The following SLC25A12 variants were observed in gnomAD, a reference collection of about 807,000 sequenced individuals.
The protein encoded by SLC25A12 is electrogenic aspartate/glutamate antiporter SLC25A12, mitochondrial.
Under a neutral mutation model 83.3 loss-of-function variants are expected in SLC25A12, and 32 were observed. The observed-to-expected ratio is 0.38, with a 90% confidence interval of 0.29 to 0.52. The LOEUF (loss-of-function observed/expected upper bound fraction) is 0.52. Among genes scored for constraint, SLC25A12 ranks in the 20% least tolerant of loss-of-function variants. SLC25A12 has a pLI of 0.84. For synonymous variants in SLC25A12, 267 were observed against 291.1 expected (o/e 0.92, Z 0.84); for missense variants, 611 against 835.6 (o/e 0.73, Z 3.31).
rs1683540050 is a variant in SLC25A12, at chr2:171,793,838, C to T, written c.1306-71G>A. On this transcript the variant is annotated intron_variant, in intron 13 of 17. Transcript: ENST00000422440. ...GACTGGCAGCGTAAAAAAGGAAAAT[C>T]CAGCAAAGCCTCCACATCTTGCTAT... is the stretch of plus-strand genomic sequence containing the variant. 6.5e-6 allele frequency: 10 copies of T among 1,532,942 alleles called. No homozygotes were observed. The Admixed American group carries it at 1.5e-4, about 23-fold the overall frequency. 95.0% of individuals were successfully genotyped at this position (1,532,942 alleles called of 1,614,324 possible). A position where few individuals can be genotyped will look rare whatever the true frequency, so the allele number is the denominator to read the frequency against.
intron 4 of SLC25A12, among the ~76,000 whole-genome samples, chr2:171,849,202 T>C (rs1353412438): frequency 1.3e-5 from 2 of 151,330 alleles, no homozygotes; most frequent in African/African-American, 4.9e-5. Context: ...AATTAATAAA[T>C]AAATACATAC....
intron 2 of SLC25A12, among the ~76,000 whole-genome samples, chr2:171,874,017 G>A (rs563687553): frequency 5.3e-5 from 8 of 152,082 alleles, no homozygotes; most frequent in South Asian, 2.1e-4. Flanking sequence ...CCTGAGGTCC[G>A]GGAGTTCGAG....
In SLC25A12 at chr2:171,834,819, T is replaced by C. The variant is rs886055124; in HGVS notation, c.659A>G (p.Asn220Ser). 28 of 1,613,850 alleles carry C rather than the reference T, an allele frequency of 1.7e-5. No homozygotes were observed. In the East Asian group the frequency reaches 5.3e-4, roughly 31 times the overall value. ...ISHQVSFSYF[N>S]AFNSLLNNME... is the part of the protein sequence containing the mutation. ...GTTATTCAGTAACGAGTTAAATGCATTGAAGTAGGAGAAGCTAACCTGGTG... is the reference window on the plus strand; with the variant it reads ...GTTATTCAGTAACGAGTTAAATGCACTGAAGTAGGAGAAGCTAACCTGGTG... The change falls in exon 7 of 18, where the codon AAT becomes AGT. Residue 220 changes from asparagine (N) to serine (S), a missense_variant. Physicochemically the swap from Asn to Ser is conservative, Grantham distance 46 (BLOSUM62 1). Transcript: ENST00000422440.
intron 8 of SLC25A12, among the ~76,000 whole-genome samples, chr2:171,827,233 G>C (rs1684321154): frequency 6.6e-6 from 1 of 152,020 alleles, no homozygotes; most frequent in Non-Finnish European, 1.5e-5. Flanking sequence ...CAAAGTATCT[G>C]GGAAGGATAC....
intron 2 of SLC25A12, among the ~76,000 whole-genome samples, chr2:171,887,780 G>C (rs931511656): frequency 3.3e-5 from 5 of 152,180 alleles, no homozygotes; most frequent in Non-Finnish European, 7.3e-5. Context: ...TAAAATTACA[G>C]CACAGCCTAA....
At chr2:171,860,783 T>A (rs959905651) in intron 3 of SLC25A12, among the ~76,000 whole-genome samples, 5 of 151,926 alleles carry the variant, frequency 3.3e-5, no homozygotes, top group African/African-American at 1.2e-4. Context: ...AATAGTCAGA[T>A]GTTAATAGTA....
At chr2:171,869,639 T>C (rs1685415575) in intron 2 of SLC25A12, among the ~76,000 whole-genome samples, 1 of 152,182 alleles carries the variant, frequency 6.6e-6, no homozygotes, top group African/African-American at 2.4e-5. Context: ...TAATAATACC[T>C]GTATCAAAGA....
intron 2 of SLC25A12, among the ~76,000 whole-genome samples, chr2:171,874,660 G>C (rs573498864): frequency 6.6e-6 from 1 of 152,068 alleles, no homozygotes; most frequent in African/African-American, 2.4e-5. Flanking sequence ...CAATACAAGC[G>C]TTCTGTATGG....
At chr2:171,840,308 C>G (rs114832749) in intron 5 of SLC25A12, among the ~76,000 whole-genome samples, 5 of 151,826 alleles carry the variant, frequency 3.3e-5, no homozygotes, top group Admixed American at 3.3e-4. Flanking sequence ...TCCCTGGAAC[C>G]TGGGGAAGTC....
In SLC25A12 at chr2:171,871,656, C is replaced by G. The variant is rs917877884; in HGVS notation, c.67-2833G>C. ...CTTTGTAATAGCGACTTCCTAGTTT[C>G]CCTGTCCCAAGTTAGTTCCTCTCTC... On this transcript the variant is annotated intron_variant, in intron 2 of 17. Coordinates refer to ENST00000422440, the MANE Select transcript of SLC25A12 (RefSeq NM_003705.5). 3 of 917,854 alleles carry G rather than the reference C, an allele frequency of 3.3e-6. No individual in the cohort carries two copies. In the African/African-American group the frequency reaches 5.4e-5, roughly 16 times the overall value. 56.9% of individuals were successfully genotyped at this position (917,854 alleles called of 1,614,324 possible).
chr2:171,858,264 A>C (rs1387189516), intron 3 of SLC25A12, among the ~76,000 whole-genome samples: 1 of 152,202 alleles, frequency 6.6e-6, no homozygotes, highest in Admixed American at 6.5e-5. Context: ...TATATATTTC[A>C]AAATGTGTTA....
At chr2:171,833,687 G>A (rs537240297) in intron 8 of SLC25A12, among the ~76,000 whole-genome samples, 17 of 151,300 alleles carry the variant, frequency 1.1e-4, no homozygotes, top group South Asian at 4.2e-4. Context: ...CCTCACTCCC[G>A]CCTTCTCTTC....
chr2:171,865,789 A>C (rs899565166), intron 3 of SLC25A12, among the ~76,000 whole-genome samples: 2 of 152,100 alleles, frequency 1.3e-5, no homozygotes, highest in Non-Finnish European at 2.9e-5. Flanking sequence ...TATAAAGTGG[A>C]ATACTTGCCT....
At chr2:171,847,404 G>C (rs1473236846) in intron 4 of SLC25A12, among the ~76,000 whole-genome samples, 1 of 152,194 alleles carries the variant, frequency 6.6e-6, no homozygotes, top group Non-Finnish European at 1.5e-5. Flanking sequence ...GCTTATGCTT[G>C]TATGAGGTAA....
intron 2 of SLC25A12, among the ~76,000 whole-genome samples, chr2:171,874,341 G>T (rs1450837727): frequency 6.6e-6 from 1 of 152,146 alleles, no homozygotes. Context: ...GCAGTGAGCC[G>T]AGATTGCACC....
At position 171,787,803 on chromosome 2, in the gene SLC25A12, CA is replaced by C; in HGVS notation, c.1729del (p.Trp577GlyfsTer115). 6.2e-7 allele frequency: 1 copy of C among 1,614,212 alleles called. No homozygotes were observed. Among genetic ancestry groups the C allele is most frequent in the Non-Finnish European group, 8.5e-7 (1 of 1,180,038 alleles). ...CCCCTGCCTACCTGCAGTCCCTTTC[CA>C]AAATGCTGAGGGCCCTTCTTCCCGG... Reference protein sequence around the residue: ...ILREEGPSAFWKGTAARVFRS... With the variant: ...ILREEGPSAFXKGTAARVFRS... On this transcript the variant is annotated frameshift_variant, in exon 16 of 18. Transcript: ENST00000422440. LOFTEE classifies it high-confidence loss of function.
intron 3 of SLC25A12, among the ~76,000 whole-genome samples, chr2:171,861,813 A>G (rs1019953468): frequency 6.6e-6 from 1 of 152,208 alleles, no homozygotes; most frequent in South Asian, 2.1e-4. Flanking sequence ...ACCACAAGCT[A>G]CTAACTGTTG....
intron 2 of SLC25A12, among the ~76,000 whole-genome samples, chr2:171,886,721 AG>A (rs1353976700): frequency 6.6e-6 from 1 of 152,080 alleles, no homozygotes; most frequent in Non-Finnish European, 1.5e-5. Context: ...CATGTTAGCC[AG>A]GATGGTCTCA....
At chr2:171,880,096 G>A (rs1454945423) in intron 2 of SLC25A12, among the ~76,000 whole-genome samples, 1 of 152,134 alleles carries the variant, frequency 6.6e-6, no homozygotes, top group African/African-American at 2.4e-5. Context: ...GATGATGTCT[G>A]AGAACTGCTT....
Sources: allele counts gnomAD v4.1 joint callset (sites outside exome capture counted in the v4.1 genomes callset), GRCh38; gene constraint gnomAD v4.1.1; transcripts MANE v1.5; gene names NCBI Gene and HGNC (gene_info 2026-07-23, HGNC 2026-07-21).